Variants in XRN1 observed in about 807,000 individuals in gnomAD.
XRN1 encodes the protein 5'-3' exoribonuclease 1.
A neutral mutation model predicts 222.3 loss-of-function variants in XRN1; 67 were observed. That is an observed-to-expected ratio of 0.30 (90% CI 0.25 to 0.37). XRN1 has a LOEUF of 0.37. Among genes scored for constraint, XRN1 ranks in the 10% least tolerant of loss-of-function variants. The probability of loss-of-function intolerance (pLI) is 1.00; values close to 1 mark genes in which losing one functional copy is unlikely to be tolerated. For synonymous variants in XRN1, 643 were observed against 652.4 expected, an observed-to-expected ratio of 0.99 and a Z score of 0.22; for missense variants, 1,707 against 2,000.2, an observed-to-expected ratio of 0.85 and a Z score of 2.80.
rs1221301496 is a variant in XRN1, at chr3:142,435,764, A to C, written c.76-2871T>G. On this transcript the variant is annotated intron_variant, in intron 1 of 40. Transcript: ENST00000392981. ...AGAGTGAAACTGTCCCCACCCCCCA[A>C]AAAAAAAAAAAAAAAAAGGCCAGGT... 8.6e-5 allele frequency among the ~76,000 whole-genome samples: 12 copies of C among 140,148 alleles called. 1 individual carries two copies. Among genetic ancestry groups the C allele is most frequent in the African/African-American group, 2.5e-4 (9 of 36,072 alleles). The allele number at this position is 140,148 out of a possible 152,430, so 91.9% of individuals were successfully genotyped here. A position where few individuals can be genotyped will look rare whatever the true frequency, so the allele number is the denominator to read the frequency against.
chr3:142,337,666 G>A (rs1016237346), intron 33 of XRN1, among the ~76,000 whole-genome samples: 3 of 152,120 alleles, frequency 2.0e-5, no homozygotes, highest in African/African-American at 7.2e-5. Context: ...TAAATTATGT[G>A]AGAGAATATT....
chr3:142,417,675 A>C (rs1038357405), intron 12 of XRN1, among the ~76,000 whole-genome samples: 1 of 152,222 alleles, frequency 6.6e-6, no homozygotes. Context: ...GAATGCTTTC[A>C]GAAGTGCTGT....
chr3:142,315,688 C>T (rs1046694729), intron 39 of XRN1, among the ~76,000 whole-genome samples: 1 of 151,528 alleles, frequency 6.6e-6, no homozygotes, highest in Non-Finnish European at 1.5e-5. Context: ...TTAGAATTTT[C>T]GTATTTTTAG....
intron 27 of XRN1, among the ~76,000 whole-genome samples, chr3:142,367,287 CA>C (rs1004356600): frequency 3.2e-4 from 45 of 139,544 alleles, no homozygotes; most frequent in Non-Finnish European, 2.8e-4. Flanking sequence ...AACTCCGTCT[CA>C]AAAAAAAAAA....
chr3:142,440,030 C>A (rs553455532), intron 1 of XRN1, among the ~76,000 whole-genome samples: 3 of 149,252 alleles, frequency 2.0e-5, no homozygotes, highest in Non-Finnish European at 4.5e-5. Context: ...ACCAGATGAT[C>A]CAGCAGCAGG....
intron 27 of XRN1, among the ~76,000 whole-genome samples, chr3:142,369,463 A>G (rs1248995255): frequency 6.6e-6 from 1 of 151,432 alleles, no homozygotes; most frequent in African/African-American, 2.4e-5. Flanking sequence ...CCTGGCCAAC[A>G]AGGCAAAACT....
intron 36 of XRN1, among the ~76,000 whole-genome samples, chr3:142,331,744 T>C (rs1308711242): frequency 6.6e-6 from 1 of 152,200 alleles, no homozygotes; most frequent in African/African-American, 2.4e-5. Flanking sequence ...TTAGTGACTG[T>C]AGATCTATTG....
chr3:142,314,893 G>A (rs369763721), intron 39 of XRN1, among the ~76,000 whole-genome samples: 24 of 122,274 alleles, frequency 2.0e-4, no homozygotes, highest in South Asian at 1.8e-3. Flanking sequence ...TGACAGAGTG[G>A]GACTCTGTCT....
In XRN1 at chr3:142,403,989, C is replaced by T; in HGVS notation, c.1884G>A (p.Arg628=). Residue 628 remains arginine, a splice_region_variant and synonymous_variant, in exon 17 of 41, where the codon AGG becomes AGA. Coordinates refer to ENST00000392981, the MANE Select transcript of XRN1 (RefSeq NM_001282857.2). Reference sequence around the variant, plus strand: ...AAGCATCTAAGGATATTATTTTATACCTAGAAAATAAATCAAGGCATTTAA... The same window carrying T: ...AAGCATCTAAGGATATTATTTTATATCTAGAAAATAAATCAAGGCATTTAA... ...KFPAIERCCT[R]YKIISLDAWR... is the part of the protein sequence containing the mutation. 1 of 1,559,990 alleles carries T rather than the reference C, an allele frequency of 6.4e-7. No homozygotes were observed. Among genetic ancestry groups the T allele is most frequent in the Non-Finnish European group, 8.8e-7 (1 of 1,138,090 alleles).
At chr3:142,318,746 G>A in intron 38 of XRN1, 44 bp downstream of exon 38, 1 of 1,609,378 alleles carries the variant, frequency 6.2e-7, no homozygotes. Context: ...CTTTCTATAG[G>A]GACTAATAAA....
chr3:142,432,800 C>T lies in XRN1; in HGVS notation c.169G>A (p.Asp57Asn). 9 of 1,613,994 alleles carry T rather than the reference C, an allele frequency of 5.6e-6. No homozygotes were observed. Among genetic ancestry groups the T allele is most frequent in the Non-Finnish European group, 7.6e-6 (9 of 1,180,010 alleles). The change falls in exon 2 of 41, where the codon GAT (aspartate) becomes AAT (asparagine). Residue 57 changes from aspartate to asparagine, a missense_variant. Asp to Asn is a conservative substitution (Grantham distance 23). Coordinates refer to ENST00000392981, the MANE Select transcript of XRN1 (RefSeq NM_001282857.2). ...AAAATATCAGTAAAGATTTTATCAT[C>T]TGAAATTCTAAAGTGAACATCATCA... ...NDDDVHFRIS[D>N]DKIFTDIFHY...
chr3:142,364,070 T>C (rs1336774073), intron 29 of XRN1, among the ~76,000 whole-genome samples: 4 of 152,220 alleles, frequency 2.6e-5, no homozygotes, highest in Admixed American at 6.5e-5. Flanking sequence ...CTGCCACTTA[T>C]CTATGTAAAC....
intron 27 of XRN1, among the ~76,000 whole-genome samples, chr3:142,369,875 G>A (rs938579158): frequency 4.0e-5 from 6 of 151,316 alleles, no homozygotes; most frequent in African/African-American, 1.2e-4. Flanking sequence ...GCGAAATGCC[G>A]TCTCTACTAA....
At chr3:142,415,201 T>G (rs1261566753) in intron 13 of XRN1, among the ~76,000 whole-genome samples, 1 of 152,238 alleles carries the variant, frequency 6.6e-6, no homozygotes, top group East Asian at 1.9e-4. Flanking sequence ...CTCATCTTAA[T>G]TACAGGTATA....
chr3:142,335,832 G>A (rs1246650510), intron 33 of XRN1, among the ~76,000 whole-genome samples: 1 of 152,170 alleles, frequency 6.6e-6, no homozygotes, highest in Non-Finnish European at 1.5e-5. Flanking sequence ...TGGAAGTTAA[G>A]GGTAAAATGG....
At chr3:142,313,325 C>A in intron 39 of XRN1, 1 of 843,098 alleles carries the variant, frequency 1.2e-6, no homozygotes, top group South Asian at 1.8e-5. Context: ...CAATGGGTGC[C>A]AAATCTAATT....
intron 18 of XRN1, 126 bp from the exon 19 acceptor site, chr3:142,400,673 C>T: frequency 1.6e-6 from 1 of 628,160 alleles, no homozygotes; most frequent in South Asian, 2.3e-5. Flanking sequence ...GGGCCGGGTG[C>T]AGTGACTCAC....
chr3:142,411,010 T>TGGGG (rs1023402056), intron 15 of XRN1, among the ~76,000 whole-genome samples: 1 of 152,214 alleles, frequency 6.6e-6, no homozygotes, highest in African/African-American at 2.4e-5. Context: ...TGAAGACATC[T>TGGGG]GGGCCTAGAA....
Position 142,396,461 on chromosome 3 carries a change from C to T in XRN1, c.2339+868G>A, listed in dbSNP as rs2067936597. On this transcript the variant is annotated intron_variant, in intron 20 of 40. Transcript: ENST00000392981. ...TTATTATGGTTTTATTTATATGCTA[C>T]AAAAGACAACTTAGAATGATATAAA... Among the ~76,000 whole-genome samples, 3 of 152,100 alleles carry T rather than the reference C, an allele frequency of 2.0e-5. No individual in the cohort carries two copies. The South Asian group carries it at 6.2e-4, about 31-fold the overall frequency.
Sources: allele counts gnomAD v4.1 joint callset (sites outside exome capture counted in the v4.1 genomes callset), GRCh38; gene constraint gnomAD v4.1.1; transcripts MANE v1.5; gene names NCBI Gene and HGNC (gene_info 2026-07-23, HGNC 2026-07-21).